FMN1: variants seen among roughly 807,000 people sequenced by gnomAD.
FMN1 encodes the protein formin 1.
Under a neutral mutation model 132.4 loss-of-function variants are expected in FMN1, and 110 were observed. That is an observed-to-expected ratio of 0.83 (90% CI 0.71 to 0.97). The LOEUF (loss-of-function observed/expected upper bound fraction) is 0.97. Among genes scored for constraint, FMN1 ranks in the 50% least tolerant of loss-of-function variants. The pLI, the probability that FMN1 is intolerant of heterozygous loss-of-function variation, is 0.00. For missense variants in FMN1, 1,792 were observed against 1,705.3 expected (o/e 1.05, Z -0.90); for synonymous variants, 722 against 651.7 (o/e 1.11, Z -1.64).
At chr15:33,003,904 T>C (rs2034259573) in intron 7 of FMN1, among the ~76,000 whole-genome samples, 1 of 152,250 alleles carries the variant, frequency 6.6e-6, no homozygotes, top group Admixed American at 6.5e-5. Flanking sequence ...TCTACAACTA[T>C]CTGATCTTTG....
intron 6 of FMN1, among the ~76,000 whole-genome samples, chr15:33,032,506 AAACTACAGAT>A (rs1299622224): frequency 6.6e-6 from 1 of 152,204 alleles, no homozygotes; most frequent in Non-Finnish European, 1.5e-5. Flanking sequence ...TTTCTACAGA[AAACTACAGAT>A]ACTCCTCAAC....
intron 16 of FMN1, among the ~76,000 whole-genome samples, chr15:32,881,210 CTG>C (rs986050683): frequency 9.2e-5 from 14 of 152,210 alleles, no homozygotes; most frequent in East Asian, 3.9e-4. Flanking sequence ...TTTTAAATGA[CTG>C]TATTAATTTA....
chr15:33,126,239 G>A (rs995370367), intron 4 of FMN1, among the ~76,000 whole-genome samples: 4 of 152,186 alleles, frequency 2.6e-5, no homozygotes, highest in Non-Finnish European at 5.9e-5. Flanking sequence ...CTAGACTTCA[G>A]AGAAGGAAGA....
intron 17 of FMN1, among the ~76,000 whole-genome samples, chr15:32,844,849 A>G (rs930047399): frequency 3.9e-5 from 6 of 152,224 alleles, no homozygotes; most frequent in East Asian, 1.9e-4. Context: ...TCACGTAACA[A>G]CAGCAGCGGC....
chr15:32,894,662 A>G (rs983910282), intron 15 of FMN1, among the ~76,000 whole-genome samples: 1 of 152,134 alleles, frequency 6.6e-6, no homozygotes, highest in African/African-American at 2.4e-5. Context: ...GGATGTTAAT[A>G]ACGACCTCAA....
chr15:33,046,080 T>C (rs2036668233), intron 6 of FMN1, among the ~76,000 whole-genome samples: 1 of 152,118 alleles, frequency 6.6e-6, no homozygotes, highest in African/African-American at 2.4e-5. Context: ...ATTACTGTTA[T>C]ATAAAATGTA....
At chr15:33,110,637 CTTCT>C (rs888740578) in intron 4 of FMN1, among the ~76,000 whole-genome samples, 14 of 151,648 alleles carry the variant, frequency 9.2e-5, no homozygotes, top group East Asian at 3.9e-4. Flanking sequence ...CACATTGACG[CTTCT>C]TTTTCTTTTT....
intron 9 of FMN1, among the ~76,000 whole-genome samples, chr15:32,928,966 GA>G (rs2061031605): frequency 6.6e-6 from 1 of 152,304 alleles, no homozygotes; most frequent in East Asian, 1.9e-4. Context: ...TGAGTAAAAT[GA>G]GGCAAATCTA....
chr15:32,857,544 A>C (rs1250118101), intron 16 of FMN1, among the ~76,000 whole-genome samples: 2 of 152,136 alleles, frequency 1.3e-5, no homozygotes, highest in African/African-American at 2.4e-5. Flanking sequence ...CAGGCACCCA[A>C]GTTGTCTAGA....
At chr15:32,899,420 T>C (rs1407515545) in intron 14 of FMN1, among the ~76,000 whole-genome samples, 2 of 152,160 alleles carry the variant, frequency 1.3e-5, no homozygotes, top group Non-Finnish European at 2.9e-5. Context: ...CTAATTTGCC[T>C]GTGTGTTTCC....
intron 17 of FMN1, among the ~76,000 whole-genome samples, chr15:32,843,145 A>G (rs1567256534): frequency 2.6e-5 from 4 of 151,700 alleles, no homozygotes; most frequent in African/African-American, 7.3e-5. Flanking sequence ...GAAAAAAAAA[A>G]AAAGAAAGAA....
intron 7 of FMN1, among the ~76,000 whole-genome samples, chr15:33,003,173 T>C (rs2034211850): frequency 6.6e-6 from 1 of 152,194 alleles, no homozygotes; most frequent in African/African-American, 2.4e-5. Context: ...CCACTCCCAT[T>C]CAACAAAGTG....
At chr15:33,058,521 C>A (rs535712927) in intron 6 of FMN1, among the ~76,000 whole-genome samples, 15 of 152,328 alleles carry the variant, frequency 9.8e-5, no homozygotes, top group Admixed American at 2.6e-4. Flanking sequence ...CTCACCTTAA[C>A]TTTCCAAGAA....
chr15:33,124,911 G>A (rs1260501284), intron 4 of FMN1, among the ~76,000 whole-genome samples: 1 of 151,612 alleles, frequency 6.6e-6, no homozygotes, highest in Non-Finnish European at 1.5e-5. Flanking sequence ...AAGGGCAAAT[G>A]TTAAAGATAC....
chr15:33,060,874 C>T (rs2037450200), intron 6 of FMN1, among the ~76,000 whole-genome samples: 1 of 152,120 alleles, frequency 6.6e-6, no homozygotes, highest in Non-Finnish European at 1.5e-5. Context: ...ATTTTAATTC[C>T]GAAAACATTA....
chr15:32,981,402 CA>C (rs1438997781), intron 7 of FMN1, among the ~76,000 whole-genome samples: 8 of 151,614 alleles, frequency 5.3e-5, no homozygotes, highest in African/African-American at 1.9e-4. Flanking sequence ...CTTGTAGTCC[CA>C]GCTACTCGGG....
chr15:33,112,975 C>A (rs1385342847), intron 4 of FMN1, among the ~76,000 whole-genome samples: 1 of 152,204 alleles, frequency 6.6e-6, no homozygotes, highest in African/African-American at 2.4e-5. Flanking sequence ...AGAGAACCTT[C>A]GCTGTTAGGT....
intron 6 of FMN1, among the ~76,000 whole-genome samples, chr15:33,016,262 C>T (rs1270980385): frequency 6.6e-6 from 1 of 152,176 alleles, no homozygotes; most frequent in East Asian, 1.9e-4. Context: ...TGAGTGAATG[C>T]ACAAAGCTTC....
chr15:32,901,710 C>G (rs962021111), intron 13 of FMN1, among the ~76,000 whole-genome samples: 1 of 152,064 alleles, frequency 6.6e-6, no homozygotes, highest in African/African-American at 2.4e-5. Flanking sequence ...CTCCTTCTCC[C>G]TCTTCATCCA....
Sources: gnomAD v4.1 joint callset for allele counts (sites outside exome capture counted in the v4.1 genomes callset) on GRCh38, gnomAD v4.1.1 for gene constraint, MANE v1.5 for transcripts, NCBI Gene and HGNC (gene_info 2026-07-23, HGNC 2026-07-21) for gene names.